The following BEND7 variants were observed in gnomAD, a reference collection of about 807,000 sequenced individuals.
The protein encoded by BEND7 is BEN domain containing 7.
A neutral mutation model predicts 50.9 loss-of-function variants in BEND7; 28 were observed. The observed-to-expected ratio is 0.55, with a 90% CI of 0.41 to 0.75. The LOEUF (loss-of-function observed/expected upper bound fraction) is 0.75. BEND7 is among the 30% of genes least tolerant of loss of function. The pLI is 0.00. For synonymous variants in BEND7, 170 were observed against 183.9 expected (o/e 0.92, Z 0.61); for missense variants, 477 against 491.3 (o/e 0.97, Z 0.28).
At chr10:13,515,277 T>TG (rs1564407177) in intron 2 of BEND7, among the ~76,000 whole-genome samples, 1 of 152,242 alleles carries the variant, frequency 6.6e-6, no homozygotes, top group African/African-American at 2.4e-5. Flanking sequence ...TTCGATTTTA[T>TG]GGAACTATAA....
chr10:13,511,686 A>C (rs2078283282), intron 2 of BEND7, among the ~76,000 whole-genome samples: 2 of 152,204 alleles, frequency 1.3e-5, no homozygotes, highest in South Asian at 4.1e-4. Context: ...TAAGGGAAAG[A>C]GTGTTAAAGC....
At chr10:13,497,051 A>C (rs2077073075) in intron 3 of BEND7, 163 bp from the exon 4 acceptor site, 1 of 814,362 alleles carries the variant, frequency 1.2e-6, no homozygotes, top group African/African-American at 1.8e-5. Context: ...TAATTATCAC[A>C]ACCTAAATCT....
At chr10:13,506,820 G>A (rs1166674835) in intron 2 of BEND7, among the ~76,000 whole-genome samples, 1 of 152,052 alleles carries the variant, frequency 6.6e-6, no homozygotes, top group East Asian at 1.9e-4. Context: ...GGATTAGCTG[G>A]ATTTGCTGGG....
intron 6 of BEND7, among the ~76,000 whole-genome samples, chr10:13,455,627 A>T (rs1838783170): frequency 6.6e-6 from 1 of 152,208 alleles, no homozygotes; most frequent in South Asian, 2.1e-4. Flanking sequence ...AGGGAGAAGG[A>T]GGAGACGGTC....
At chr10:13,502,845 T>C (rs2132277879) in intron 2 of BEND7, 1 of 951,668 alleles carries the variant, frequency 1.1e-6, no homozygotes, top group Non-Finnish European at 1.3e-6. Context: ...CCAGGCCACA[T>C]GGGGCAGATA....
intron 2 of BEND7, among the ~76,000 whole-genome samples, chr10:13,511,942 A>T (rs1319539495): frequency 6.6e-6 from 1 of 152,178 alleles, no homozygotes; most frequent in African/African-American, 2.4e-5. Flanking sequence ...CATTCATGAG[A>T]CTATCAAGCC....
At chr10:13,464,621 G>C (rs534636008) in intron 6 of BEND7, among the ~76,000 whole-genome samples, 9 of 152,124 alleles carry the variant, frequency 5.9e-5, no homozygotes, top group Non-Finnish European at 1.0e-4. Flanking sequence ...AATAATAGCT[G>C]TTTTAAATCT....
chr10:13,483,366 T>C (rs774223927), intron 5 of BEND7, among the ~76,000 whole-genome samples: 135 of 152,216 alleles, frequency 8.9e-4, no homozygotes, highest in Non-Finnish European at 1.4e-3. Context: ...TACAGCACTT[T>C]TCACACAGCA....
intron 8 of BEND7, 70 bp from the exon 9 acceptor site, chr10:13,441,820 A>G: frequency 6.8e-7 from 1 of 1,478,186 alleles, no homozygotes. Context: ...AAAGGCTAAC[A>G]AAAAGGTATG....
chr10:13,483,328 C>T (rs769909958), intron 5 of BEND7, among the ~76,000 whole-genome samples: 3 of 152,140 alleles, frequency 2.0e-5, no homozygotes, highest in Non-Finnish European at 4.4e-5. Context: ...CTTCTTCATG[C>T]GCTCATACTG....
chr10:13,481,514 T>C (rs1051866916), intron 5 of BEND7, among the ~76,000 whole-genome samples: 2 of 152,310 alleles, frequency 1.3e-5, no homozygotes, highest in Admixed American at 6.5e-5. Context: ...ATAATTCAAA[T>C]GTGCTCAGTG....
chr10:13,443,026 TATTC>T (rs1034409729), intron 8 of BEND7: 1 of 152,206 alleles, frequency 6.6e-6, no homozygotes, highest in African/African-American at 2.4e-5. Flanking sequence ...CAAAGCTCTA[TATTC>T]ATACTGAGGT....
chr10:13,476,465 A>T (rs564773017), intron 6 of BEND7, among the ~76,000 whole-genome samples: 2 of 152,364 alleles, frequency 1.3e-5, no homozygotes, highest in Admixed American at 1.3e-4. Flanking sequence ...ACTGAATGCA[A>T]GAAGATTCAA....
At chr10:13,481,215 T>A (rs546168042) in intron 5 of BEND7, 91 bp from the exon 6 acceptor site, 2 of 1,167,818 alleles carry the variant, frequency 1.7e-6, no homozygotes, top group East Asian at 2.5e-5. Flanking sequence ...CACTAGCTAC[T>A]GAAATGTACA....
intron 4 of BEND7, among the ~76,000 whole-genome samples, chr10:13,493,934 T>C (rs2132046816): frequency 6.6e-6 from 1 of 152,356 alleles, no homozygotes; most frequent in South Asian, 2.1e-4. Flanking sequence ...TTACCTCTTA[T>C]CAGTCTGAAA....
rs2076740982 is a variant in BEND7 at position 13,492,604 on chromosome 10, A to C, written c.837+7T>G. The C allele has an allele frequency of 6.2e-7, 1 of 1,613,016 alleles. No individual in the cohort carries two copies. The highest frequency in any genetic ancestry group is 1.3e-5 in the African/African-American group (1 of 74,846). On this transcript the variant is annotated splice_region_variant and intron_variant, in intron 5 of 8. Transcript: ENST00000466271. Reference sequence around the variant, plus strand: ...TTAGAGTCAGCAGCCAGAAAATGGCAACTTACATCTGAGGAAGGTGATTCC... The same window carrying C: ...TTAGAGTCAGCAGCCAGAAAATGGCCACTTACATCTGAGGAAGGTGATTCC...
intron 6 of BEND7, among the ~76,000 whole-genome samples, chr10:13,466,552 C>T (rs1389010842): frequency 3.0e-5 from 4 of 135,230 alleles, no homozygotes; most frequent in Admixed American, 7.5e-5. Context: ...GGGTGAGAAA[C>T]TGTCTCAAAA....
downstream of BEND7, chr10:13,439,091 T>A: frequency 7.4e-7 from 1 of 1,347,568 alleles, no homozygotes; most frequent in East Asian, 2.5e-5. Flanking sequence ...GGGCCTGAAA[T>A]CTTAACAGCC....
chr10:13,524,661 A>T (rs868343330), intron 2 of BEND7, among the ~76,000 whole-genome samples: 3,116 of 151,688 alleles, frequency 0.021, 117 homozygotes, highest in African/African-American at 0.069. Context: ...AAAAAAAAAA[A>T]AAAAAGAATT....
Sources: allele counts gnomAD v4.1 joint callset (sites outside exome capture counted in the v4.1 genomes callset), GRCh38; gene constraint gnomAD v4.1.1; transcripts MANE v1.5; gene names NCBI Gene and HGNC (gene_info 2026-07-23, HGNC 2026-07-21).